STK3: variants seen among roughly 807,000 people sequenced by gnomAD.
STK3 encodes serine/threonine kinase 3.
Under a neutral mutation model 58.0 loss-of-function variants are expected in STK3, and 41 were observed. The ratio of observed to expected loss-of-function variants is 0.71; its 90% CI spans 0.55 to 0.92. The LOEUF (loss-of-function observed/expected upper bound fraction) is 0.92, where lower values mean the gene tolerates loss of function less well. Ranked by LOEUF, STK3 falls within the 40% of genes least tolerant of loss-of-function variation. STK3 has a pLI of 0.00. For synonymous variants in STK3, 170 were observed against 191.0 expected (o/e 0.89, Z 0.91); for missense variants, 479 against 602.7 (o/e 0.79, Z 2.15).
chr8:98,634,361 G>C (rs1819480441), intron 6 of STK3, among the ~76,000 whole-genome samples: 1 of 151,986 alleles, frequency 6.6e-6, no homozygotes, highest in Non-Finnish European at 1.5e-5. Context: ...TTAACCAGGG[G>C]TGGTGGTGCA....
intron 3 of STK3, among the ~76,000 whole-genome samples, chr8:98,855,739 C>G (rs142842182): frequency 4.6e-5 from 7 of 152,228 alleles, no homozygotes; most frequent in South Asian, 4.1e-4. Context: ...AGGCTGGGCA[C>G]AGTGACTCAC....
At chr8:98,688,167 C>CA (rs1824146135) in intron 6 of STK3, among the ~76,000 whole-genome samples, 4 of 151,956 alleles carry the variant, frequency 2.6e-5, no homozygotes, top group South Asian at 4.1e-4. Flanking sequence ...TAAAAAAGGA[C>CA]AAAAAAGAGC....
the STK3 span, among the ~76,000 whole-genome samples, chr8:98,346,975 T>C: frequency 6.6e-6 from 1 of 151,840 alleles, no homozygotes; most frequent in African/African-American, 2.4e-5. Context: ...TAATAATGTA[T>C]TGTATTGTAG....
chr8:98,476,924 G>A (rs1821356638), intron 10 of STK3, among the ~76,000 whole-genome samples: 1 of 152,142 alleles, frequency 6.6e-6, no homozygotes, highest in Admixed American at 6.5e-5. Context: ...ACTATTTTGA[G>A]TAAAAGGTAC....
intron 9 of STK3, among the ~76,000 whole-genome samples, chr8:98,536,904 G>A (rs1809812077): frequency 6.6e-6 from 1 of 152,146 alleles, no homozygotes; most frequent in South Asian, 2.1e-4. Context: ...ATTATACAGA[G>A]TAGTTTAAAT....
At chr8:98,894,235 TA>T (rs1225191329) in intron 1 of STK3, among the ~76,000 whole-genome samples, 2 of 152,200 alleles carry the variant, frequency 1.3e-5, no homozygotes, top group Non-Finnish European at 2.9e-5. Flanking sequence ...CTTGACCTCA[TA>T]AACAGAATCC....
At chr8:98,665,804 C>G (rs931500075) in intron 6 of STK3, among the ~76,000 whole-genome samples, 1 of 151,628 alleles carries the variant, frequency 6.6e-6, no homozygotes, top group African/African-American at 2.4e-5. Context: ...CCTGGGTTCA[C>G]GCCATTCTCC....
intron 6 of STK3, among the ~76,000 whole-genome samples, chr8:98,621,694 T>G (rs1384618624): frequency 6.6e-6 from 1 of 152,110 alleles, no homozygotes; most frequent in Admixed American, 6.6e-5. Context: ...TTACATTGAT[T>G]CAGCTGAATG....
intron 6 of STK3, among the ~76,000 whole-genome samples, chr8:98,630,069 T>C (rs1453266122): frequency 6.6e-6 from 1 of 152,110 alleles, no homozygotes; most frequent in East Asian, 1.9e-4. Context: ...AAAATCATGA[T>C]AAAGGCTCTC....
At position 98,547,998 on chromosome 8, in the gene STK3, T is replaced by C. The variant is rs1250035123; in HGVS notation, c.1112A>G (p.Asp371Gly). 17 of 1,603,342 alleles carry C rather than the reference T, an allele frequency of 1.1e-5. No homozygotes were observed. The highest frequency in any genetic ancestry group is 1.4e-5 in the Non-Finnish European group (17 of 1,175,968). Reference protein sequence around the residue: ...DLGTMVINSEDEEEEDGTMKR... With the variant: ...DLGTMVINSEGEEEEDGTMKR... ...CATAGTTCCATCTTCTTCTTCCTCATCCTCACTGTTTATCACCATGGTCCC... is the reference window on the plus strand; with the variant it reads ...CATAGTTCCATCTTCTTCTTCCTCACCCTCACTGTTTATCACCATGGTCCC... Residue 371 changes from aspartate (D) to glycine (G), a missense_variant, in exon 9 of 11, where the codon GAT (aspartate) becomes GGT (glycine). Around this residue, in one of 3 missense-constraint regions of STK3, gnomAD observed 309 missense variants for 355.7 expected, o/e 0.87. Coordinates refer to ENST00000419617, the MANE Select transcript of STK3 (RefSeq NM_006281.4).
the STK3 span, among the ~76,000 whole-genome samples, chr8:98,344,907 A>G: frequency 1.3e-5 from 2 of 150,030 alleles, no homozygotes; most frequent in Non-Finnish European, 3.0e-5. Flanking sequence ...AAAAAAAAAA[A>G]AAAAAAAAAA....
chr8:98,374,538 C>T (rs562102369), intron 2 of STK3, among the ~76,000 whole-genome samples: 1 of 152,380 alleles, frequency 6.6e-6, no homozygotes, highest in East Asian at 1.9e-4. Context: ...ACTATGTGCA[C>T]TGTGTACCTG....
At chr8:98,827,739 C>G (rs1262669750), upstream of STK3, among the ~76,000 whole-genome samples, 2 of 152,126 alleles carry the variant, frequency 1.3e-5, no homozygotes, top group Admixed American at 1.3e-4. Context: ...ACTGCAGCCT[C>G]AACCTCCCGG....
At chr8:98,817,949 T>C (rs183464993) in intron 1 of STK3, among the ~76,000 whole-genome samples, 10 of 152,326 alleles carry the variant, frequency 6.6e-5, no homozygotes, top group Admixed American at 6.5e-4. Flanking sequence ...TTCCTTTCCA[T>C]GGCCGGCATC....
At chr8:98,853,649 G>C (rs761631382) in intron 3 of STK3, among the ~76,000 whole-genome samples, 6 of 152,140 alleles carry the variant, frequency 3.9e-5, no homozygotes, top group Admixed American at 6.5e-5. Context: ...ACACTCATTT[G>C]TGCTCCACAA....
chr8:98,794,587 G>C (rs576683110), intron 1 of STK3, among the ~76,000 whole-genome samples: 54 of 152,234 alleles, frequency 3.5e-4, no homozygotes, highest in Middle Eastern at 3.4e-3. Context: ...AATTCTATCA[G>C]ATGTACAAAG....
intron 10 of STK3, among the ~76,000 whole-genome samples, chr8:98,474,341 C>T (rs528035759): frequency 2.6e-5 from 4 of 152,126 alleles, no homozygotes; most frequent in Non-Finnish European, 2.9e-5. Flanking sequence ...CCCTAAGATA[C>T]GGAAATGGCT....
chr8:98,420,917 T>C (rs71514989), intron 3 of STK3, among the ~76,000 whole-genome samples: 6,751 of 152,310 alleles, frequency 0.044, 222 homozygotes, highest in Middle Eastern at 0.12. Context: ...GGGACTCTCA[T>C]AGGTTTCAAG....
intron 6 of STK3, among the ~76,000 whole-genome samples, chr8:98,652,771 AG>A (rs1265539157): frequency 6.6e-6 from 1 of 150,422 alleles, no homozygotes; most frequent in East Asian, 1.9e-4. Context: ...CAATTCAACA[AG>A]AAGAGCTAAC....
Sources: allele counts gnomAD v4.1 joint callset (sites outside exome capture counted in the v4.1 genomes callset), GRCh38; gene constraint gnomAD v4.1.1; regional missense constraint gnomAD v4.1.1; transcripts MANE v1.5; gene names NCBI Gene and HGNC (gene_info 2026-07-23, HGNC 2026-07-21).